PCDH9: variants seen among roughly 807,000 people sequenced by gnomAD.
PCDH9 encodes protocadherin 9, also known as protocadherin-9.
PCDH9 carries 24 observed loss-of-function variants against 70.6 expected under a neutral mutation model. The ratio of observed to expected loss-of-function variants is 0.34; its 90% confidence interval spans 0.25 to 0.48. PCDH9 has a LOEUF of 0.48. PCDH9 is among the 20% of genes least tolerant of loss of function. The pLI, the probability that PCDH9 is intolerant of heterozygous loss-of-function variation, is 0.99. For synonymous variants in PCDH9, 562 were observed against 558.5 expected (o/e 1.01, Z -0.09); for missense variants, 1,281 against 1,503.6 (o/e 0.85, Z 2.45).
At chr13:66,848,233 A>G (rs1742053316) in intron 3 of PCDH9, among the ~76,000 whole-genome samples, 1 of 152,188 alleles carries the variant, frequency 6.6e-6, no homozygotes, top group South Asian at 2.1e-4. Context: ...AATAAAAATA[A>G]GCTATATATA....
At chr13:66,950,985 T>C (rs2139701878) in intron 2 of PCDH9, among the ~76,000 whole-genome samples, 1 of 152,260 alleles carries the variant, frequency 6.6e-6, no homozygotes, top group Admixed American at 6.5e-5. Flanking sequence ...TTGAATTTTA[T>C]CATTTAATTT....
At chr13:67,034,600 G>A (rs944424577) in intron 2 of PCDH9, among the ~76,000 whole-genome samples, 2 of 151,640 alleles carry the variant, frequency 1.3e-5, no homozygotes, top group African/African-American at 4.8e-5. Context: ...AACTCTGAAG[G>A]AAAATTGTGC....
chr13:66,373,996 C>T (rs1034664039), intron 4 of PCDH9, among the ~76,000 whole-genome samples: 1 of 152,088 alleles, frequency 6.6e-6, no homozygotes, highest in Middle Eastern at 3.2e-3. Flanking sequence ...ATATTATTAT[C>T]ATCTGCCGAC....
chr13:66,454,606 G>A (rs936554190), intron 4 of PCDH9, among the ~76,000 whole-genome samples: 4 of 152,170 alleles, frequency 2.6e-5, no homozygotes, highest in African/African-American at 9.7e-5. Context: ...TGGAGGACTT[G>A]AATGGAAGGA....
chr13:66,332,015 A>C (rs898542073), intron 4 of PCDH9, among the ~76,000 whole-genome samples: 1 of 152,150 alleles, frequency 6.6e-6, no homozygotes, highest in Non-Finnish European at 1.5e-5. Context: ...AATGTTATAA[A>C]GCAAAGGAAG....
intron 4 of PCDH9, among the ~76,000 whole-genome samples, chr13:66,314,877 TGGCAAA>T (rs1955623204): frequency 6.6e-6 from 1 of 152,206 alleles, no homozygotes; most frequent in Non-Finnish European, 1.5e-5. Flanking sequence ...TTGAACTATA[TGGCAAA>T]GGGGATTTTG....
At chr13:66,549,193 T>C (rs1270444529) in intron 4 of PCDH9, among the ~76,000 whole-genome samples, 1 of 152,272 alleles carries the variant, frequency 6.6e-6, no homozygotes, top group Admixed American at 6.5e-5. Flanking sequence ...CAAGCCTATA[T>C]ATAAATGAAA....
chr13:67,100,396 A>G (rs1306216326), intron 2 of PCDH9, among the ~76,000 whole-genome samples: 2 of 152,198 alleles, frequency 1.3e-5, no homozygotes, highest in Non-Finnish European at 2.9e-5. Context: ...AACACGAAAT[A>G]CCAAACCCTT....
Position 67,225,495 on chromosome 13 carries a change from T to C in PCDH9, c.2946A>G (p.Lys982=), listed in dbSNP as rs1275064793. The change falls in exon 2 of 5, where the codon AAA becomes AAG. Residue 982 remains lysine (K), a synonymous_variant. Transcript: ENST00000377865. ...AGTGATCTGAACTAGTGGAAGAGCGTTTAGAAAGGGTGTCACAACCCCCAA... is the reference window on the plus strand; with the variant it reads ...AGTGATCTGAACTAGTGGAAGAGCGCTTAGAAAGGGTGTCACAACCCCCAA... ...TFVGGCDTLS[K]RSSTSSDHFS... 1 of 1,614,014 alleles carries C rather than the reference T, an allele frequency of 6.2e-7. No homozygotes were observed. Among genetic ancestry groups the C allele is most frequent in the Non-Finnish European group, 8.5e-7 (1 of 1,179,928 alleles).
At chr13:66,935,892 A>C (rs1371348680) in intron 2 of PCDH9, among the ~76,000 whole-genome samples, 1 of 152,050 alleles carries the variant, frequency 6.6e-6, no homozygotes, top group Admixed American at 6.6e-5. Context: ...CATCCTGGCC[A>C]ACATGGTGAA....
At chr13:66,595,075 AT>A (rs1336598493) in intron 4 of PCDH9, among the ~76,000 whole-genome samples, 1 of 151,260 alleles carries the variant, frequency 6.6e-6, no homozygotes, top group Non-Finnish European at 1.5e-5. Flanking sequence ...AAACACACAC[AT>A]TTTTTTGAAA....
intron 4 of PCDH9, among the ~76,000 whole-genome samples, chr13:66,469,895 A>T (rs968549287): frequency 6.6e-6 from 1 of 152,162 alleles, no homozygotes; most frequent in African/African-American, 2.4e-5. Context: ...AAGCCACCGC[A>T]TTTCATGGAC....
intron 2 of PCDH9, among the ~76,000 whole-genome samples, chr13:67,190,266 G>A (rs2138016788): frequency 6.6e-6 from 1 of 151,890 alleles, no homozygotes; most frequent in Non-Finnish European, 1.5e-5. Context: ...TATCTCTAAT[G>A]GCATCAAAAC....
intron 4 of PCDH9, among the ~76,000 whole-genome samples, chr13:66,590,490 A>G (rs1348452946): frequency 6.6e-6 from 1 of 151,996 alleles, no homozygotes; most frequent in African/African-American, 2.4e-5. Context: ...TAGATTCTGC[A>G]TATAAAATAA....
chr13:66,991,877 T>C (rs1253457491), intron 2 of PCDH9, among the ~76,000 whole-genome samples: 1 of 152,150 alleles, frequency 6.6e-6, no homozygotes, highest in Non-Finnish European at 1.5e-5. Flanking sequence ...ATAGTGCATA[T>C]TCATGATATT....
chr13:66,761,068 A>T (rs955963135), intron 3 of PCDH9, among the ~76,000 whole-genome samples: 1 of 152,034 alleles, frequency 6.6e-6, no homozygotes, highest in Non-Finnish European at 1.5e-5. Flanking sequence ...TTGCAATCTC[A>T]ATCTGCCTCT....
intron 3 of PCDH9, among the ~76,000 whole-genome samples, chr13:66,875,324 A>G (rs567606051): frequency 2.0e-5 from 3 of 152,340 alleles, no homozygotes; most frequent in Non-Finnish European, 4.4e-5. Context: ...TTAATTTCAT[A>G]TTAGATATAG....
intron 2 of PCDH9, chr13:67,203,288 A>T (rs2089261280): frequency 1.3e-5 from 2 of 152,112 alleles, no homozygotes; most frequent in Non-Finnish European, 2.9e-5. Flanking sequence ...TTTTATCTGC[A>T]TCTTGAACTC....
chr13:67,183,368 T>G (rs2088666421), intron 2 of PCDH9, among the ~76,000 whole-genome samples: 1 of 152,182 alleles, frequency 6.6e-6, no homozygotes. Context: ...TTGGCTCCCT[T>G]TCAAGTTCCT....
Sources: allele counts gnomAD v4.1 joint callset (sites outside exome capture counted in the v4.1 genomes callset), GRCh38; gene constraint gnomAD v4.1.1; transcripts MANE v1.5; gene names NCBI Gene and HGNC (gene_info 2026-07-23, HGNC 2026-07-21).